GAS2: variants seen among roughly 807,000 people sequenced by gnomAD.
The protein encoded by GAS2 is growth arrest specific 2, also known as growth arrest-specific protein 2.
Under a neutral mutation model 37.5 loss-of-function variants are expected in GAS2, and 20 were observed. The observed-to-expected ratio is 0.53, with a 90% CI of 0.37 to 0.77. The LOEUF is 0.77. Ranked by LOEUF, GAS2 falls within the 30% of genes least tolerant of loss-of-function variation. The probability of loss-of-function intolerance (pLI) is 0.00; values close to 1 mark genes in which losing one functional copy is unlikely to be tolerated. For synonymous variants in GAS2, 144 were observed against 132.2 expected (o/e 1.09, Z -0.61); for missense variants, 336 against 373.4 (o/e 0.90, Z 0.82).
chr11:22,664,867 C>G (rs1440620659), upstream of GAS2, among the ~76,000 whole-genome samples: 1 of 152,074 alleles, frequency 6.6e-6, no homozygotes, highest in Non-Finnish European at 1.5e-5. Flanking sequence ...TATTACTTCT[C>G]TTTTGTCACC....
chr11:22,805,355 T>C (rs537647930), intron 7 of GAS2, among the ~76,000 whole-genome samples: 3 of 152,252 alleles, frequency 2.0e-5, no homozygotes, highest in South Asian at 4.1e-4. Flanking sequence ...TACATAGTTA[T>C]CATTTTTGTG....
chr11:22,751,982 A>G (rs10766965), intron 6 of GAS2, among the ~76,000 whole-genome samples: 144,873 of 152,008 alleles, frequency 0.95, 69,393 homozygotes, highest in East Asian at 1. Flanking sequence ...AATTTAGAAT[A>G]TAAACATCTG....
chr11:22,739,406 A>C (rs1031676744), intron 5 of GAS2, among the ~76,000 whole-genome samples: 19 of 151,568 alleles, frequency 1.3e-4, no homozygotes, highest in African/African-American at 4.1e-4. Flanking sequence ...AACCCTGTCT[A>C]TACTAAAAAT....
intron 1 of GAS2, among the ~76,000 whole-genome samples, chr11:22,638,380 G>A (rs1372008143): frequency 1.4e-5 from 2 of 145,600 alleles, no homozygotes; most frequent in East Asian, 4.0e-4. Flanking sequence ...GACTCTCACT[G>A]TGTTGCCCAG....
chr11:22,665,102 A>T (rs1189541921), upstream of GAS2, among the ~76,000 whole-genome samples: 1 of 152,116 alleles, frequency 6.6e-6, no homozygotes, highest in African/African-American at 2.4e-5. Context: ...TTTTTCCCCA[A>T]ACTGTATTTA....
At chr11:22,723,231 G>C (rs1852032444) in intron 3 of GAS2, among the ~76,000 whole-genome samples, 1 of 151,858 alleles carries the variant, frequency 6.6e-6, no homozygotes, top group Non-Finnish European at 1.5e-5. Flanking sequence ...CAGTGTTACT[G>C]CTAAATTCTT....
intron 7 of GAS2, among the ~76,000 whole-genome samples, chr11:22,783,478 T>G (rs1237704925): frequency 1.3e-5 from 2 of 152,208 alleles, no homozygotes; most frequent in Non-Finnish European, 2.9e-5. Context: ...TCGCTTTTAT[T>G]GCAATGCTCT....
At chr11:22,687,366 C>A (rs1850015030) in intron 3 of GAS2, among the ~76,000 whole-genome samples, 1 of 152,100 alleles carries the variant, frequency 6.6e-6, no homozygotes, top group Non-Finnish European at 1.5e-5. Context: ...AGACCTCGAT[C>A]CCATGCCTGA....
intron 7 of GAS2, among the ~76,000 whole-genome samples, chr11:22,788,742 C>G (rs7105105): frequency 6.6e-6 from 1 of 151,862 alleles, no homozygotes; most frequent in Non-Finnish European, 1.5e-5. Flanking sequence ...GTATAATAGT[C>G]AGTAGTATAA....
chr11:22,710,524 T>TAC (rs1851354426), intron 3 of GAS2, among the ~76,000 whole-genome samples: 1 of 151,776 alleles, frequency 6.6e-6, no homozygotes, highest in Non-Finnish European at 1.5e-5. Flanking sequence ...TGTGTGTATA[T>TAC]ATATATATAT....
intron 7 of GAS2, among the ~76,000 whole-genome samples, chr11:22,779,704 A>G (rs901283416): frequency 8.8e-4 from 21 of 23,870 alleles, no homozygotes; most frequent in Non-Finnish European, 6.0e-3. Flanking sequence ...CGTGTCAAAA[A>G]ACAAAAAACA....
In GAS2 at chr11:22,790,590, A is replaced by ATTTTTT. The variant is rs58284244; in HGVS notation, c.724-21194_724-21189dup. On this transcript the variant is annotated intron_variant, in intron 7 of 7. Transcript: ENST00000454584. ...TATCCTCAATGTTTTCTTCTTCTCT[A>ATTTTTT]TTTTTTTTTTTTTTTTTTTGACAGA... Among the ~76,000 whole-genome samples, 28 of 111,796 alleles carry ATTTTTT rather than the reference A, an allele frequency of 2.5e-4. No individual in the cohort carries two copies. The East Asian group carries it at 4.6e-3, about 18-fold the overall frequency. The allele number at this position is 111,796 out of a possible 152,430, so 73.3% of individuals were successfully genotyped here.
chr11:22,649,836 C>G (rs1247938958), intron 1 of GAS2, among the ~76,000 whole-genome samples: 4 of 151,802 alleles, frequency 2.6e-5, no homozygotes, highest in Admixed American at 2.6e-4. Context: ...TGCTAGTGGT[C>G]TATCAATTTT....
intron 3 of GAS2, among the ~76,000 whole-genome samples, chr11:22,719,144 A>G (rs1851827453): frequency 6.6e-6 from 1 of 152,136 alleles, no homozygotes; most frequent in Admixed American, 6.6e-5. Flanking sequence ...TAATTAAAAT[A>G]TTCATCACTC....
chr11:22,749,426 A>G (rs1853607014), intron 6 of GAS2, among the ~76,000 whole-genome samples, 165 bp downstream of exon 6: 1 of 151,990 alleles, frequency 6.6e-6, no homozygotes, highest in Non-Finnish European at 1.5e-5. Context: ...TCATTTTGAG[A>G]TTCAAAACTG....
chr11:22,649,692 A>G (rs542217622), intron 1 of GAS2, among the ~76,000 whole-genome samples: 9 of 152,272 alleles, frequency 5.9e-5, no homozygotes, highest in Non-Finnish European at 1.3e-4. Context: ...TAGATTTTCT[A>G]GTTTATTTGC....
intron 1 of GAS2, among the ~76,000 whole-genome samples, chr11:22,652,762 G>T (rs1397023582): frequency 6.6e-6 from 1 of 152,218 alleles, no homozygotes; most frequent in Non-Finnish European, 1.5e-5. Context: ...GTGAGGCAAT[G>T]CCTCGCCCTG....
At chr11:22,797,009 A>G (rs1219339393) in intron 7 of GAS2, among the ~76,000 whole-genome samples, 18 of 151,924 alleles carry the variant, frequency 1.2e-4, no homozygotes, top group Admixed American at 3.9e-4. Context: ...TTTCTATCTC[A>G]TTGCTTTCAC....
At chr11:22,627,774 CAAAA>C (rs111643774) in intron 1 of GAS2, among the ~76,000 whole-genome samples, 1 of 74,504 alleles carries the variant, frequency 1.3e-5, no homozygotes, top group Non-Finnish European at 2.8e-5. Flanking sequence ...GACTCCATCT[CAAAA>C]AAAAAAAAAA....
Sources: allele counts gnomAD v4.1 joint callset (sites outside exome capture counted in the v4.1 genomes callset), GRCh38; gene constraint gnomAD v4.1.1; transcripts MANE v1.5; gene names NCBI Gene and HGNC (gene_info 2026-07-23, HGNC 2026-07-21).